FCHSD2: variants seen among roughly 807,000 people sequenced by gnomAD.
FCHSD2 encodes the protein F-BAR and double SH3 domains protein 2.
Under a neutral mutation model 108.1 loss-of-function variants are expected in FCHSD2, and 38 were observed. That is an observed-to-expected ratio of 0.35 (90% confidence interval 0.27 to 0.46). The LOEUF (loss-of-function observed/expected upper bound fraction) is 0.46, where lower values mean the gene tolerates loss of function less well. Ranked by LOEUF, FCHSD2 falls within the 20% of genes least tolerant of loss-of-function variation. The pLI is 1.00. For missense variants in FCHSD2, 751 were observed against 897.8 expected (o/e 0.84, Z 2.09); for synonymous variants, 279 against 314.7 (o/e 0.89, Z 1.20).
At chr11:72,993,833 C>G (rs559898467) in intron 5 of FCHSD2, among the ~76,000 whole-genome samples, 1 of 152,064 alleles carries the variant, frequency 6.6e-6, no homozygotes, top group Non-Finnish European at 1.5e-5. Flanking sequence ...GGGTGCAGCA[C>G]ACCAACATGG....
chr11:72,960,340 C>G (rs1856799653), intron 8 of FCHSD2, among the ~76,000 whole-genome samples: 1 of 152,182 alleles, frequency 6.6e-6, no homozygotes, highest in South Asian at 2.1e-4. Flanking sequence ...CTCTGGGGAT[C>G]ACATTTCAAC....
intron 8 of FCHSD2, among the ~76,000 whole-genome samples, chr11:72,942,706 A>C (rs1856443566): frequency 6.6e-6 from 1 of 152,212 alleles, no homozygotes. Context: ...CATGCTATAG[A>C]ATGTTATGGT....
chr11:73,142,015 G>A lies in FCHSD2; in HGVS notation c.-138C>T, dbSNP rs1040372219. 4 of 796,132 alleles carry A rather than the reference G, an allele frequency of 5.0e-6. No individual in the cohort carries two copies. The highest frequency in any genetic ancestry group is 5.9e-6 in the Non-Finnish European group (3 of 506,784). The allele number at this position is 796,132 out of a possible 1,614,324, so 49.3% of individuals were successfully genotyped here. On this transcript the variant is annotated 5_prime_UTR_variant, in exon 1 of 20. Coordinates refer to ENST00000409418, the MANE Select transcript of FCHSD2 (RefSeq NM_014824.3). ...GCGCTTAAGAAGCAAGACTTGCCCC[G>A]GAGGGAGCAGGCCAGCGGGCGGCAG...
At chr11:73,080,154 G>A (rs915502157) in intron 3 of FCHSD2, among the ~76,000 whole-genome samples, 8 of 151,586 alleles carry the variant, frequency 5.3e-5, no homozygotes, top group Non-Finnish European at 1.0e-4. Flanking sequence ...AATACTAGAC[G>A]GGTATGGTGG....
chr11:73,069,189 T>C lies in FCHSD2; in HGVS notation c.165+14506A>G, dbSNP rs1327640729. On this transcript the variant is annotated intron_variant, in intron 3 of 19. Coordinates refer to ENST00000409418, the MANE Select transcript of FCHSD2 (RefSeq NM_014824.3). ...AGCCAGGCGTGGTGGCATGCACCTG[T>C]AGTCCCAGCCACTCGGGAGGCTGAG... Among the ~76,000 whole-genome samples the C allele has an allele frequency of 9.2e-5, 14 of 151,514 alleles. No individual in the cohort carries two copies. The East Asian group carries it at 2.3e-3, about 25-fold the overall frequency.
At chr11:73,034,268 T>C (rs1251523958) in intron 3 of FCHSD2, among the ~76,000 whole-genome samples, 1 of 152,176 alleles carries the variant, frequency 6.6e-6, no homozygotes, top group Non-Finnish European at 1.5e-5. Flanking sequence ...TAAATATATT[T>C]ACAGATACGT....
chr11:73,032,231 TG>T (rs1426952904), intron 3 of FCHSD2, among the ~76,000 whole-genome samples: 1 of 152,292 alleles, frequency 6.6e-6, no homozygotes. Flanking sequence ...GATTGTTCAA[TG>T]TTTTTTTATT....
Position 72,889,880 on chromosome 11 carries a change from T to C in FCHSD2, c.990A>G (p.Lys330=). The part of the protein sequence containing the change: ...EEHSLNKEAR[K]WATRVAREHK... ...GCTCACGTGCCACACGTGTGGCCCA[T>C]TTTCGAGCTTCCTTATTTAGACTGT... The change falls in exon 11 of 20, where the codon AAA becomes AAG. Residue 330 remains lysine, a synonymous_variant. Coordinates refer to ENST00000409418, the MANE Select transcript of FCHSD2 (RefSeq NM_014824.3). The C allele has an allele frequency of 1.2e-6, 2 of 1,613,646 alleles. No homozygotes were observed. The highest frequency in any genetic ancestry group is 1.7e-6 in the Non-Finnish European group (2 of 1,179,590).
At chr11:73,010,803 G>C (rs1857846136) in intron 4 of FCHSD2, among the ~76,000 whole-genome samples, 1 of 152,258 alleles carries the variant, frequency 6.6e-6, no homozygotes, top group Non-Finnish European at 1.5e-5. Context: ...TAGTAGTCCA[G>C]GTGGGCCAAT....
chr11:72,873,824 C>T (rs1306342025), intron 12 of FCHSD2, among the ~76,000 whole-genome samples: 2 of 152,108 alleles, frequency 1.3e-5, no homozygotes, highest in South Asian at 2.1e-4. Context: ...CGGGTTCCTA[C>T]GTAAGCAAAC....
chr11:72,871,518 A>C (rs1354934477), intron 12 of FCHSD2, among the ~76,000 whole-genome samples: 3 of 149,436 alleles, frequency 2.0e-5, no homozygotes, highest in Admixed American at 2.0e-4. Flanking sequence ...TAGGTTAAGT[A>C]AGGTTCCACT....
At chr11:73,061,190 C>T (rs548240268) in intron 3 of FCHSD2, among the ~76,000 whole-genome samples, 2 of 152,336 alleles carry the variant, frequency 1.3e-5, no homozygotes, top group Non-Finnish European at 1.5e-5. Context: ...GGGGTCACCT[C>T]ACCTGGGAAG....
Position 73,001,149 on chromosome 11 carries a change from G to A in FCHSD2, c.243-15C>T, listed in dbSNP as rs1857618346. ...GATACATGCTCCTAAATTCAAAGAG[G>A]GATAGAAAAGCATTAGGCAGGGAAC... On this transcript the variant is annotated splice_polypyrimidine_tract_variant and intron_variant, in intron 4 of 19. Coordinates refer to ENST00000409418, the MANE Select transcript of FCHSD2 (RefSeq NM_014824.3). 1.1e-5 allele frequency: 18 copies of A among 1,610,492 alleles called. No homozygotes were observed. Among genetic ancestry groups the A allele is most frequent in the Non-Finnish European group, 1.4e-5 (16 of 1,178,494 alleles).
chr11:72,858,178 T>C (rs946096647), intron 13 of FCHSD2, among the ~76,000 whole-genome samples: 9 of 152,154 alleles, frequency 5.9e-5, no homozygotes, highest in African/African-American at 2.2e-4. Context: ...TCCTCAATAT[T>C]TACTAATAGA....
intron 3 of FCHSD2, among the ~76,000 whole-genome samples, chr11:73,083,206 C>A (rs1200830572): frequency 6.6e-6 from 1 of 152,174 alleles, no homozygotes; most frequent in Non-Finnish European, 1.5e-5. Context: ...TTACAACCTT[C>A]TTTATAATGA....
intron 2 of FCHSD2, among the ~76,000 whole-genome samples, chr11:73,096,104 A>T (rs1860067411): frequency 6.6e-6 from 1 of 152,274 alleles, no homozygotes; most frequent in Non-Finnish European, 1.5e-5. Context: ...GTATCTAAAC[A>T]GACGTAAAAT....
At chr11:73,065,800 T>A (rs1859276519) in intron 3 of FCHSD2, among the ~76,000 whole-genome samples, 1 of 152,108 alleles carries the variant, frequency 6.6e-6, no homozygotes, top group Non-Finnish European at 1.5e-5. Flanking sequence ...TTACAAGGGA[T>A]GTGAAGGACC....
chr11:73,137,640 C>T (rs1425998413), intron 2 of FCHSD2, among the ~76,000 whole-genome samples: 1 of 152,134 alleles, frequency 6.6e-6, no homozygotes, highest in Non-Finnish European at 1.5e-5. Flanking sequence ...AATCAAAATC[C>T]TTTGAGATCA....
chr11:73,086,080 G>A (rs527436715), intron 2 of FCHSD2, among the ~76,000 whole-genome samples: 23 of 152,270 alleles, frequency 1.5e-4, no homozygotes, highest in African/African-American at 3.6e-4. Flanking sequence ...GCAGTGCTAC[G>A]GGGGAAATTT....
Sources: allele counts gnomAD v4.1 joint callset (sites outside exome capture counted in the v4.1 genomes callset), GRCh38; gene constraint gnomAD v4.1.1; transcripts MANE v1.5; gene names NCBI Gene and HGNC (gene_info 2026-07-23, HGNC 2026-07-21).